The following NIPAL2 variants were observed in gnomAD, a reference collection of about 807,000 sequenced individuals.
NIPAL2 encodes the protein NIPA like domain containing 2.
A neutral mutation model predicts 48.9 loss-of-function variants in NIPAL2; 43 were observed. That is an observed-to-expected ratio of 0.88 (90% CI 0.69 to 1.13). The LOEUF is 1.13. NIPAL2 is among the 50% of genes most tolerant of loss of function. The pLI, the probability that NIPAL2 is intolerant of heterozygous loss-of-function variation, is 0.00. For missense variants in NIPAL2, 446 were observed against 461.4 expected (o/e 0.97, Z 0.31); for synonymous variants, 167 against 174.6 (o/e 0.96, Z 0.34).
At chr8:98,238,336 T>A (rs756527575) in intron 3 of NIPAL2, among the ~76,000 whole-genome samples, 27 of 152,234 alleles carry the variant, frequency 1.8e-4, no homozygotes, top group Admixed American at 1.6e-3. Context: ...AAATTGCAGT[T>A]AATATATTGG....
chr8:98,252,292 A>T, intron 3 of NIPAL2, 171 bp downstream of exon 3: 1 of 616,030 alleles, frequency 1.6e-6, no homozygotes, highest in Non-Finnish European at 2.6e-6. Context: ...GGTTAATGTG[A>T]CAGCATGACA....
intron 1 of NIPAL2, among the ~76,000 whole-genome samples, chr8:98,278,344 C>A (rs1420470798): frequency 6.6e-6 from 1 of 152,114 alleles, no homozygotes; most frequent in Admixed American, 6.6e-5. Flanking sequence ...TTCACTAATT[C>A]TGTTAAGCTC....
At chr8:98,278,803 G>A (rs1488604243) in intron 1 of NIPAL2, among the ~76,000 whole-genome samples, 1 of 152,154 alleles carries the variant, frequency 6.6e-6, no homozygotes, top group Non-Finnish European at 1.5e-5. Flanking sequence ...AGGACATTTT[G>A]ACCTTTGGCA....
chr8:98,287,287 T>C (rs1816233710), intron 1 of NIPAL2, among the ~76,000 whole-genome samples: 1 of 152,204 alleles, frequency 6.6e-6, no homozygotes, highest in South Asian at 2.1e-4. Flanking sequence ...GCACCACCTT[T>C]CTAACCTAGA....
At chr8:98,216,811 A>G (rs1459689506) in intron 5 of NIPAL2, among the ~76,000 whole-genome samples, 3 of 152,232 alleles carry the variant, frequency 2.0e-5, no homozygotes, top group African/African-American at 7.2e-5. Flanking sequence ...GAAGTAATTG[A>G]GAATCAGGGC....
intron 1 of NIPAL2, among the ~76,000 whole-genome samples, chr8:98,269,282 G>T (rs551535690): frequency 3.9e-5 from 6 of 152,182 alleles, no homozygotes; most frequent in African/African-American, 1.2e-4. Flanking sequence ...AATTTATTTT[G>T]GCTAGATCCA....
rs1271179181 is a variant in NIPAL2, at chr8:98,190,128, T to C, written c.*2850A>G. ...CATTTAGAACTTATATAAGCAAAAA[T>C]ATCTGAAGGCAAATATCAAGCCATG... On this transcript the variant is annotated 3_prime_UTR_variant, in exon 11 of 11. Transcript: ENST00000430223. 6.6e-6 allele frequency: 1 copy of C among 152,146 alleles called. No individual in the cohort carries two copies. The highest frequency in any genetic ancestry group is 1.5e-5 in the Non-Finnish European group (1 of 68,036). The allele number at this position is 152,146 out of a possible 1,614,324, so 9.4% of individuals were successfully genotyped here. A position where few individuals can be genotyped will look rare whatever the true frequency, so the allele number is the denominator to read the frequency against.
chr8:98,280,761 T>TATATAGAG, intron 1 of NIPAL2, among the ~76,000 whole-genome samples: 472 of 30,024 alleles, frequency 0.016, 18 homozygotes, highest in Admixed American at 0.07. Context: ...TATATATATA[T>TATATAGAG]AGAGAGAGAG....
intron 3 of NIPAL2, among the ~76,000 whole-genome samples, chr8:98,242,975 A>C (rs1033720641): frequency 2.0e-5 from 3 of 152,250 alleles, no homozygotes; most frequent in Non-Finnish European, 4.4e-5. Context: ...AAGTTTGAAA[A>C]GATAACATGC....
chr8:98,276,153 T>C (rs758478452), intron 1 of NIPAL2, among the ~76,000 whole-genome samples: 3 of 152,172 alleles, frequency 2.0e-5, no homozygotes, highest in Non-Finnish European at 2.9e-5. Flanking sequence ...TCATGCTCTA[T>C]TGGTTTTGGT....
chr8:98,279,751 A>C (rs1158089774), intron 1 of NIPAL2, among the ~76,000 whole-genome samples: 1 of 152,242 alleles, frequency 6.6e-6, no homozygotes, highest in East Asian at 1.9e-4. Flanking sequence ...ATACAAATGA[A>C]ATAAAGCAAT....
intron 4 of NIPAL2, among the ~76,000 whole-genome samples, chr8:98,234,845 T>G (rs942832531): frequency 4.6e-5 from 7 of 151,934 alleles, no homozygotes; most frequent in Non-Finnish European, 1.0e-4. Flanking sequence ...AGCCACTGCA[T>G]CAGGCATTGG....
intron 5 of NIPAL2, among the ~76,000 whole-genome samples, chr8:98,215,315 C>T (rs1362315910): frequency 1.3e-5 from 2 of 152,154 alleles, no homozygotes; most frequent in Non-Finnish European, 2.9e-5. Flanking sequence ...TCACACTGCT[C>T]CTAGGAATAA....
intron 4 of NIPAL2, among the ~76,000 whole-genome samples, chr8:98,233,340 A>G (rs1586363289): frequency 6.7e-6 from 1 of 149,728 alleles, no homozygotes; most frequent in African/African-American, 2.5e-5. Flanking sequence ...TGTTTTCTTG[A>G]TGTGTGTGTG....
chr8:98,267,733 C>T (rs1430453556), intron 1 of NIPAL2, among the ~76,000 whole-genome samples: 1 of 152,006 alleles, frequency 6.6e-6, no homozygotes, highest in Non-Finnish European at 1.5e-5. Flanking sequence ...CCTTTCTTAC[C>T]ATTTCCCCAT....
chr8:98,264,923 C>G (rs1273850858), intron 1 of NIPAL2, among the ~76,000 whole-genome samples: 2 of 150,388 alleles, frequency 1.3e-5, no homozygotes, highest in African/African-American at 4.9e-5. Flanking sequence ...GTACTGGTAC[C>G]AAAACAGAGA....
chr8:98,207,458 C>T (rs574048717), intron 6 of NIPAL2, among the ~76,000 whole-genome samples: 2 of 152,088 alleles, frequency 1.3e-5, no homozygotes, highest in Non-Finnish European at 2.9e-5. Context: ...AATTGTAATG[C>T]AGTGTTCTTC....
At chr8:98,249,609 A>G (rs997492327) in intron 3 of NIPAL2, among the ~76,000 whole-genome samples, 16 of 147,856 alleles carry the variant, frequency 1.1e-4, no homozygotes, top group African/African-American at 3.4e-4. Flanking sequence ...TATTTAATAT[A>G]TATTAAATGT....
At chr8:98,241,523 T>C (rs1399182058) in intron 3 of NIPAL2, among the ~76,000 whole-genome samples, 1 of 152,206 alleles carries the variant, frequency 6.6e-6, no homozygotes, top group Non-Finnish European at 1.5e-5. Flanking sequence ...TAATTCTGCA[T>C]CTGTGAATCT....
Sources: gnomAD v4.1 joint callset for allele counts (sites outside exome capture counted in the v4.1 genomes callset) on GRCh38, gnomAD v4.1.1 for gene constraint, MANE v1.5 for transcripts, NCBI Gene and HGNC (gene_info 2026-07-23, HGNC 2026-07-21) for gene names.